The following TGS1 variants were observed in gnomAD, a reference collection of about 807,000 sequenced individuals.
TGS1 encodes the protein trimethylguanosine synthase.
A neutral mutation model predicts 92.2 loss-of-function variants in TGS1; 69 were observed. The ratio of observed to expected loss-of-function variants is 0.75; its 90% CI spans 0.62 to 0.91. The LOEUF is 0.91. Ranked by LOEUF, TGS1 falls within the 40% of genes least tolerant of loss-of-function variation. TGS1 has a pLI of 0.00. For synonymous variants in TGS1, 345 were observed against 338.1 expected (o/e 1.02, Z -0.22); for missense variants, 1,062 against 1,001.2 (o/e 1.06, Z -0.82).
chr8:55,776,581 G>C (rs1811408969), intron 1 of TGS1, among the ~76,000 whole-genome samples: 1 of 152,076 alleles, frequency 6.6e-6, no homozygotes, highest in East Asian at 1.9e-4. Context: ...GCCCGGCCCA[G>C]TGCCTTTTTT....
intron 11 of TGS1, 31 bp downstream of exon 11, chr8:55,811,128 A>G: frequency 3.9e-6 from 6 of 1,525,350 alleles, no homozygotes; most frequent in Non-Finnish European, 5.4e-6. Context: ...GAGTTTACTG[A>G]AACAATGATT....
intron 12 of TGS1, among the ~76,000 whole-genome samples, chr8:55,814,221 T>C (rs1803411093): frequency 6.6e-6 from 1 of 152,098 alleles, no homozygotes; most frequent in Non-Finnish European, 1.5e-5. Flanking sequence ...GTGCTGGGAT[T>C]ATAGGTGTGA....
chr8:55,787,163 G>C lies in TGS1; in HGVS notation c.1162+103G>C, dbSNP rs1563453878. The C allele has an allele frequency of 5.4e-6, 4 of 736,574 alleles. No homozygotes were observed. The African/African-American group carries it at 7.1e-5, about 13-fold the overall frequency. 45.6% of individuals were successfully genotyped at this position (736,574 alleles called of 1,614,324 possible). ...TTATTGTAGAGTTAAATAATACCAA[G>C]TACATTTCATATAATAATGAAATGA... On this transcript the variant is annotated intron_variant, in intron 4 of 12. Coordinates refer to ENST00000260129, the MANE Select transcript of TGS1 (RefSeq NM_024831.8).
At chr8:55,800,159 TA>T (rs1423872985) in intron 8 of TGS1, among the ~76,000 whole-genome samples, 1 of 152,168 alleles carries the variant, frequency 6.6e-6, no homozygotes, top group African/African-American at 2.4e-5. Flanking sequence ...TTTTTTTTCT[TA>T]GTGCAAGTGT....
intron 5 of TGS1, among the ~76,000 whole-genome samples, chr8:55,790,528 G>T (rs1280111350): frequency 6.7e-6 from 1 of 148,358 alleles, no homozygotes; most frequent in African/African-American, 2.5e-5. Context: ...TTAAGACATG[G>T]TCTCGCTTTA....
At chr8:55,824,462 C>T in intron 12 of TGS1, 119 bp from the exon 13 acceptor site, 2 of 1,304,510 alleles carry the variant, frequency 1.5e-6, no homozygotes, top group Non-Finnish European at 2.1e-6. Context: ...TGAGATGCCT[C>T]ATTATTCAAA....
rs114878401 is a variant in TGS1, at chr8:55,804,837, G to A, written c.2000-56G>A. 5 of 1,524,774 alleles carry A rather than the reference G, an allele frequency of 3.3e-6. No homozygotes were observed. The Admixed American group carries it at 5.1e-5, about 16-fold the overall frequency. 94.5% of individuals were successfully genotyped at this position (1,524,774 alleles called of 1,614,324 possible). A position where few individuals can be genotyped will look rare whatever the true frequency, so the allele number is the denominator to read the frequency against. ...ATATAGTAATGTTTGCTATGTTTAT[G>A]CTTGCCTTGGCTTCTTGAAATTGAA... On this transcript the variant is annotated intron_variant, in intron 9 of 12. Coordinates refer to ENST00000260129, the MANE Select transcript of TGS1 (RefSeq NM_024831.8).
intron 6 of TGS1, among the ~76,000 whole-genome samples, chr8:55,793,298 G>T (rs938321553): frequency 2.0e-5 from 3 of 152,168 alleles, no homozygotes; most frequent in Non-Finnish European, 4.4e-5. Context: ...ACTTTGAGAG[G>T]CTGGGCAATA....
chr8:55,778,349 C>G (rs900798327), intron 1 of TGS1, among the ~76,000 whole-genome samples: 3 of 152,196 alleles, frequency 2.0e-5, no homozygotes, highest in Non-Finnish European at 4.4e-5. Flanking sequence ...AGCCTTTCTA[C>G]TATGCTACCA....
At chr8:55,807,283 C>T (rs1803195912) in intron 10 of TGS1, among the ~76,000 whole-genome samples, 1 of 152,034 alleles carries the variant, frequency 6.6e-6, no homozygotes, top group African/African-American at 2.4e-5. Context: ...TGACACCTTT[C>T]AAAAAGCTTT....
At chr8:55,799,449 A>G (rs1252543033) in intron 8 of TGS1, among the ~76,000 whole-genome samples, 1 of 152,180 alleles carries the variant, frequency 6.6e-6, no homozygotes, top group East Asian at 1.9e-4. Context: ...AGAAAAGGAA[A>G]GACTGTTGGG....
chr8:55,806,649 C>G (rs979491228), intron 10 of TGS1, among the ~76,000 whole-genome samples: 3 of 151,994 alleles, frequency 2.0e-5, no homozygotes, highest in Non-Finnish European at 2.9e-5. Context: ...TAATGTCTGT[C>G]TTAAGGGCCA....
At chr8:55,774,394 G>T (rs1224375338) in intron 1 of TGS1, among the ~76,000 whole-genome samples, 1 of 152,102 alleles carries the variant, frequency 6.6e-6, no homozygotes, top group Non-Finnish European at 1.5e-5. Context: ...TATTTTGTTA[G>T]AGTTAAATCC....
chr8:55,773,500 T>G lies in TGS1; in HGVS notation c.-119T>G. The G allele has an allele frequency of 1.4e-6, 1 of 702,332 alleles. No individual in the cohort carries two copies. Among genetic ancestry groups the G allele is most frequent in the Non-Finnish European group, 2.3e-6 (1 of 444,090 alleles). The allele number at this position is 702,332 out of a possible 1,614,324, so 43.5% of individuals were successfully genotyped here. On this transcript the variant is annotated 5_prime_UTR_variant, in exon 1 of 13. Coordinates refer to ENST00000260129, the MANE Select transcript of TGS1 (RefSeq NM_024831.8). ...CCGGCGCGAGCGGCCGCGGGCCAGT[T>G]TCTATCTCCTCATCCAGGGCTTGCG...
intron 8 of TGS1, among the ~76,000 whole-genome samples, chr8:55,800,017 T>A (rs1291047178): frequency 6.6e-6 from 1 of 152,248 alleles, no homozygotes; most frequent in Non-Finnish European, 1.5e-5. Flanking sequence ...ATTTATGCAC[T>A]TTTGTATTCG....
chr8:55,807,301 A>G (rs908478530), intron 10 of TGS1, among the ~76,000 whole-genome samples: 3 of 152,120 alleles, frequency 2.0e-5, no homozygotes. Flanking sequence ...TTTAAATTTC[A>G]GAGACTAAAT....
chr8:55,821,044 T>C (rs1282451444), intron 12 of TGS1, among the ~76,000 whole-genome samples: 1 of 152,234 alleles, frequency 6.6e-6, no homozygotes, highest in Non-Finnish European at 1.5e-5. Flanking sequence ...TCCAAAATTC[T>C]AACTTTTAAC....
rs200884523 is a variant in TGS1, at chr8:55,804,934, A to G, written c.2041A>G (p.Ile681Val). The G allele has an allele frequency of 2.5e-5, 41 of 1,614,050 alleles. No homozygotes were observed. The highest frequency in any genetic ancestry group is 3.0e-5 in the Non-Finnish European group (35 of 1,179,954). ...SVTPEKIAEHIAGRVSQSFKC... is the reference protein window; with the variant it reads ...SVTPEKIAEHVAGRVSQSFKC... ...TACACCCGAGAAGATTGCTGAACACATTGCTGGCCGTGTTAGTCAGTCCTT... is the reference window on the plus strand; with the variant it reads ...TACACCCGAGAAGATTGCTGAACACGTTGCTGGCCGTGTTAGTCAGTCCTT... Residue 681 changes from isoleucine to valine, a missense_variant, in exon 10 of 13, where the codon ATT becomes GTT. Physicochemically the swap from Ile to Val is conservative, Grantham distance 29. Coordinates refer to ENST00000260129, the MANE Select transcript of TGS1 (RefSeq NM_024831.8).
intron 2 of TGS1, among the ~76,000 whole-genome samples, chr8:55,784,167 G>A (rs7816281): frequency 0.47 from 71,089 of 151,926 alleles, 16,944 homozygotes; most frequent in East Asian, 0.59. Flanking sequence ...TACATAAAAT[G>A]ATTTTTTGTT....
Sources: gnomAD v4.1 joint callset for allele counts (sites outside exome capture counted in the v4.1 genomes callset) on GRCh38, gnomAD v4.1.1 for gene constraint, MANE v1.5 for transcripts, NCBI Gene and HGNC (gene_info 2026-07-23, HGNC 2026-07-21) for gene names.